MALRD1: variants seen among roughly 807,000 people sequenced by gnomAD.
MALRD1 encodes MAM and LDL receptor class A domain containing 1.
A neutral mutation model predicts 242.1 loss-of-function variants in MALRD1; 247 were observed. The ratio of observed to expected loss-of-function variants is 1.02; its 90% CI spans 0.92 to 1.13. MALRD1 has a LOEUF of 1.13. Among genes scored for constraint, MALRD1 ranks in the 50% most tolerant of loss-of-function variants. The pLI is 0.00. For synonymous variants in MALRD1, 995 were observed against 866.6 expected, an observed-to-expected ratio of 1.15 and a Z score of -2.60; for missense variants, 2,989 against 2,533.1, an observed-to-expected ratio of 1.18 and a Z score of -3.86.
intron 33 of MALRD1, among the ~76,000 whole-genome samples, chr10:19,589,975 G>T (rs1241699075): frequency 1.3e-5 from 2 of 152,054 alleles, no homozygotes; most frequent in South Asian, 4.1e-4. Context: ...TGTCAGGACC[G>T]ACCTTATAAC....
intron 21 of MALRD1, among the ~76,000 whole-genome samples, chr10:19,291,070 G>A (rs928051453): frequency 6.6e-6 from 1 of 152,108 alleles, no homozygotes; most frequent in African/African-American, 2.4e-5. Flanking sequence ...GGAATCTAGA[G>A]AGCAAAGTTT....
chr10:19,106,119 A>G (rs929520492), intron 5 of MALRD1, among the ~76,000 whole-genome samples: 1 of 151,908 alleles, frequency 6.6e-6, no homozygotes, highest in South Asian at 2.1e-4. Flanking sequence ...TGTTACATGC[A>G]TAGAATGTAT....
chr10:19,073,511 G>T (rs1424691053), intron 2 of MALRD1, among the ~76,000 whole-genome samples: 1 of 152,068 alleles, frequency 6.6e-6, no homozygotes, highest in Non-Finnish European at 1.5e-5. Context: ...TTCCACACCT[G>T]ACGCCTTTGG....
chr10:19,146,429 C>T (rs1336455704), intron 11 of MALRD1, 85 bp downstream of exon 11: 63 of 1,104,504 alleles, frequency 5.7e-5, no homozygotes, highest in Non-Finnish European at 7.1e-5. Flanking sequence ...CATTTCTATT[C>T]TGTAGACTGT....
At chr10:19,409,921 A>G (rs1363337756) in intron 28 of MALRD1, among the ~76,000 whole-genome samples, 1 of 152,178 alleles carries the variant, frequency 6.6e-6, no homozygotes, top group Non-Finnish European at 1.5e-5. Context: ...AATAATATGC[A>G]TATTCATGGG....
At chr10:19,239,013 A>G (rs1289909907) in intron 18 of MALRD1, among the ~76,000 whole-genome samples, 1 of 148,226 alleles carries the variant, frequency 6.7e-6, no homozygotes, top group South Asian at 2.1e-4. Context: ...CGTCTTGACC[A>G]TTTCTATATT....
intron 21 of MALRD1, among the ~76,000 whole-genome samples, chr10:19,301,770 A>T (rs992163495): frequency 1.3e-4 from 20 of 151,740 alleles, no homozygotes; most frequent in African/African-American, 4.8e-4. Flanking sequence ...TACTATGCTC[A>T]TTATCTGATG....
chr10:19,728,725 C>T (rs1835154862), intron 38 of MALRD1, among the ~76,000 whole-genome samples: 1 of 152,110 alleles, frequency 6.6e-6, no homozygotes, highest in African/African-American at 2.4e-5. Flanking sequence ...ATCATCCCTA[C>T]TTCCATGTCC....
chr10:19,366,698 C>A (rs1030051492), intron 26 of MALRD1, among the ~76,000 whole-genome samples: 9 of 152,054 alleles, frequency 5.9e-5, no homozygotes, highest in African/African-American at 2.2e-4. Context: ...TGGTTCAAAC[C>A]ATTAGACCTT....
intron 31 of MALRD1, among the ~76,000 whole-genome samples, chr10:19,518,559 A>G (rs918498223): frequency 1.3e-5 from 2 of 152,190 alleles, no homozygotes; most frequent in Non-Finnish European, 2.9e-5. Flanking sequence ...CTCTATAATG[A>G]CATACGTTGC....
chr10:19,699,361 A>T (rs1254216425), intron 38 of MALRD1, among the ~76,000 whole-genome samples: 1 of 148,840 alleles, frequency 6.7e-6, no homozygotes, highest in African/African-American at 2.5e-5. Flanking sequence ...TGTCTCAGTT[A>T]TGCAGATCCA....
intron 33 of MALRD1, among the ~76,000 whole-genome samples, chr10:19,577,798 C>T (rs1378348421): frequency 1.3e-5 from 2 of 151,966 alleles, no homozygotes; most frequent in Non-Finnish European, 1.5e-5. Flanking sequence ...TTAGTCATTT[C>T]ACAACCATAT....
At chr10:19,358,670 C>A (rs752890710) in intron 26 of MALRD1, among the ~76,000 whole-genome samples, 9 of 152,054 alleles carry the variant, frequency 5.9e-5, no homozygotes, top group Non-Finnish European at 8.8e-5. Flanking sequence ...TACTTCTGAG[C>A]GATTTGAAAA....
At chr10:19,716,956 A>C (rs914954560) in intron 38 of MALRD1, 1 of 152,214 alleles carries the variant, frequency 6.6e-6, no homozygotes, top group East Asian at 1.9e-4. Flanking sequence ...AAGTATTTAA[A>C]GTATGGGGAA....
chr10:19,491,145 A>C, intron 29 of MALRD1: 1 of 427,252 alleles, frequency 2.3e-6, no homozygotes, highest in East Asian at 6.6e-5. Flanking sequence ...GAGCAGCACA[A>C]ATGGCCAGGA....
intron 24 of MALRD1, 82 bp downstream of exon 24, chr10:19,331,664 T>G: frequency 8.8e-7 from 1 of 1,139,154 alleles, no homozygotes; most frequent in Non-Finnish European, 1.3e-6. Flanking sequence ...TGTTGAAACA[T>G]GCAGAGTGTG....
At chr10:19,344,807 C>A (rs973874308) in intron 24 of MALRD1, among the ~76,000 whole-genome samples, 1 of 151,476 alleles carries the variant, frequency 6.6e-6, no homozygotes, top group Non-Finnish European at 1.5e-5. Context: ...TCTTTGATTT[C>A]TCTCATCAGC....
chr10:19,515,384 GTATGA>G (rs1238516825), intron 31 of MALRD1, among the ~76,000 whole-genome samples: 2 of 151,836 alleles, frequency 1.3e-5, no homozygotes, highest in African/African-American at 2.4e-5. Flanking sequence ...ACTTTTTTTG[GTATGA>G]CACAGAACAT....
rs532716549 is a variant in MALRD1, at chr10:19,160,076, T to A, written c.1656+4904T>A. On this transcript the variant is annotated intron_variant, in intron 12 of 39. Coordinates refer to ENST00000454679, the MANE Select transcript of MALRD1 (RefSeq NM_001142308.3). ...ATGAATAGTCATACTATATATAAAA[T>A]CTGCCTTAGTGGAGACCCAAGAAAA... 7.6e-4 allele frequency among the ~76,000 whole-genome samples: 115 copies of A among 152,296 alleles called. 1 individual carries two copies. Among genetic ancestry groups the A allele is most frequent in the Admixed American group, 2.5e-3 (38 of 15,298 alleles).
Sources: gnomAD v4.1 joint callset for allele counts (sites outside exome capture counted in the v4.1 genomes callset) on GRCh38, gnomAD v4.1.1 for gene constraint, MANE v1.5 for transcripts, NCBI Gene and HGNC (gene_info 2026-07-23, HGNC 2026-07-21) for gene names.